The following PDGFA variants were observed in gnomAD, a reference collection of about 807,000 sequenced individuals.
PDGFA encodes the protein platelet derived growth factor subunit A, also known as platelet-derived growth factor subunit A.
Under a neutral mutation model 25.6 loss-of-function variants are expected in PDGFA, and 9 were observed. The ratio of observed to expected loss-of-function variants is 0.35; its 90% CI spans 0.21 to 0.61. The LOEUF (loss-of-function observed/expected upper bound fraction) is 0.61, where lower values mean the gene tolerates loss of function less well. PDGFA is among the 20% of genes least tolerant of loss of function. The pLI is 0.75. For missense variants in PDGFA, 242 were observed against 272.8 expected, an observed-to-expected ratio of 0.89 and a Z score of 0.79; for synonymous variants, 133 against 111.8, an observed-to-expected ratio of 1.19 and a Z score of -1.20.
intron 2 of PDGFA, among the ~76,000 whole-genome samples, chr7:515,636 C>T (rs1783053436): frequency 6.6e-6 from 1 of 152,144 alleles, no homozygotes; most frequent in Non-Finnish European, 1.5e-5. Flanking sequence ...TATTCAGACC[C>T]CAAAACCTCT....
chr7:497,269 G>T (rs1441499847), exon 6 of PDGFA: 1 of 151,898 alleles, frequency 6.6e-6, no homozygotes, highest in Non-Finnish European at 1.5e-5. Context: ...TTTGTTGGTG[G>T]TATTTTTTTT....
In PDGFA at chr7:500,961, G is replaced by T; in HGVS notation, c.580+155C>A. The T allele has an allele frequency of 6.3e-7, 1 of 1,596,792 alleles. No homozygotes were observed. The highest frequency in any genetic ancestry group is 8.5e-7 in the Non-Finnish European group (1 of 1,178,170). On this transcript the variant is annotated intron_variant, in intron 5 of 5. Coordinates refer to ENST00000402802, the Ensembl canonical transcript of PDGFA. The surrounding 1 kb of genome is among the most constrained non-coding windows in gnomAD (Gnocchi z 5.0). Reference sequence around the variant, plus strand: ...GGTGTGGGATCCGTCTCCCCCGCAGGCATCTGGCCCGGGAGCAGGGCAACG... The same window carrying T: ...GGTGTGGGATCCGTCTCCCCCGCAGTCATCTGGCCCGGGAGCAGGGCAACG...
chr7:518,705 C>T (rs1326614896), intron 1 of PDGFA, among the ~76,000 whole-genome samples: 1 of 152,164 alleles, frequency 6.6e-6, no homozygotes, highest in Non-Finnish European at 1.5e-5. Flanking sequence ...TCTGCCCACT[C>T]GTCCACCTCG....
chr7:509,983 G>A (rs564501210), intron 4 of PDGFA, among the ~76,000 whole-genome samples: 16 of 151,476 alleles, frequency 1.1e-4, no homozygotes, highest in South Asian at 6.3e-4. Context: ...GGGGGAAGCC[G>A]GGGGGGCCCT....
chr7:501,309 G>C (rs149142861), intron 4 of PDGFA, 67 bp from the exon 5 acceptor site: 2 of 1,599,898 alleles, frequency 1.3e-6, no homozygotes, highest in East Asian at 2.2e-5. Flanking sequence ...GACGTGCTGG[G>C]AGCCGGGGAC....
chr7:498,554 C>A, exon 6 of PDGFA: 2 of 1,608,098 alleles, frequency 1.2e-6, no homozygotes, highest in Non-Finnish European at 1.7e-6. Context: ...GAAAGGGCTG[C>A]GGCTCATCCT....
Position 517,482 on chromosome 7 carries a change from C to T in PDGFA, c.72G>A (p.Glu24=). 1 of 1,328,650 alleles carries T rather than the reference C, an allele frequency of 7.5e-7. No individual in the cohort carries two copies. The allele number at this position is 1,328,650 out of a possible 1,614,324, so 82.3% of individuals were successfully genotyped here. A position where few individuals can be genotyped will look rare whatever the true frequency, so the allele number is the denominator to read the frequency against. Residue 24 remains glutamate (E), a synonymous_variant, in exon 2 of 6, where the codon GAG becomes GAA. Transcript: ENST00000402802. The surrounding 1 kb of genome is among the most constrained non-coding windows in gnomAD (Gnocchi z 7.4). ...GCCTCTCGATCACCTCGCGGGGGAT[C>T]TCGGCTTCCTGCAAGCAGAGGCCAC...
intron 2 of PDGFA, among the ~76,000 whole-genome samples, chr7:516,069 C>T (rs1397234175): frequency 7.7e-6 from 1 of 130,060 alleles, no homozygotes. Context: ...CCAAACCCAT[C>T]CAGGACCAGC....
At chr7:498,328 C>G in exon 6 of PDGFA, 1 of 548,582 alleles carries the variant, frequency 1.8e-6, no homozygotes, top group Non-Finnish European at 3.2e-6. Flanking sequence ...CTCTTTCTCT[C>G]TCTCTCTTTT....
chr7:504,551 G>A (rs2128394292), intron 4 of PDGFA, among the ~76,000 whole-genome samples: 1 of 152,186 alleles, frequency 6.6e-6, no homozygotes, highest in East Asian at 1.9e-4. Flanking sequence ...AACAGCACCA[G>A]CCTCACACCC....
chr7:500,828 A>C lies in PDGFA; in HGVS notation c.580+288T>G, dbSNP rs2128390009. Reference sequence around the variant, plus strand: ...TCTTCTCAGCTCAGCCCCGCAGCCCACTAATGAATTGGGTGTCTTATGCAC... The same window carrying C: ...TCTTCTCAGCTCAGCCCCGCAGCCCCCTAATGAATTGGGTGTCTTATGCAC... On this transcript the variant is annotated intron_variant, in intron 5 of 5. Coordinates refer to ENST00000402802, the Ensembl canonical transcript of PDGFA. The surrounding 1 kb of genome is among the most constrained non-coding windows in gnomAD (Gnocchi z 5.0). 1 of 1,488,766 alleles carries C rather than the reference A, an allele frequency of 6.7e-7. No individual in the cohort carries two copies. Among genetic ancestry groups the C allele is most frequent in the South Asian group, 1.3e-5 (1 of 79,488 alleles). The allele number at this position is 1,488,766 out of a possible 1,614,324, so 92.2% of individuals were successfully genotyped here.
intron 4 of PDGFA, among the ~76,000 whole-genome samples, chr7:507,695 A>C (rs1782618640): frequency 6.6e-6 from 1 of 152,206 alleles, no homozygotes; most frequent in Non-Finnish European, 1.5e-5. Flanking sequence ...CCGGACTCAG[A>C]GCTCACAAGG....
intron 4 of PDGFA, among the ~76,000 whole-genome samples, chr7:508,614 GCT>G (rs1398301094): frequency 7.2e-6 from 1 of 139,350 alleles, no homozygotes; most frequent in Non-Finnish European, 1.5e-5. Context: ...AAGCCAGGAG[GCT>G]CTGAGTCAAA....
chr7:506,578 C>A (rs1782574511), intron 4 of PDGFA, among the ~76,000 whole-genome samples: 2 of 152,208 alleles, frequency 1.3e-5, no homozygotes, highest in African/African-American at 2.4e-5. Context: ...GCAAGGTGGG[C>A]TCAGAGCCAG....
chr7:505,050 T>A (rs1214285495), intron 4 of PDGFA, among the ~76,000 whole-genome samples: 4 of 152,228 alleles, frequency 2.6e-5, no homozygotes, highest in Admixed American at 1.3e-4. Flanking sequence ...TGTTTCTGAG[T>A]ATGCCAGGAT....
rs1490257864 is a variant in PDGFA at position 517,159 on chromosome 7, T to A, written c.160+235A>T. 6.6e-6 allele frequency among the ~76,000 whole-genome samples: 1 copy of A among 151,658 alleles called. No individual in the cohort carries two copies. Among genetic ancestry groups the A allele is most frequent in the East Asian group, 1.9e-4 (1 of 5,142 alleles). ...ACTTTGTGTGACACACGCGGCGTTT[T>A]CCTTAAAGGCGAAAACAATCCCGGG... is the stretch of plus-strand genomic sequence containing the variant. On this transcript the variant is annotated intron_variant, in intron 2 of 5. Transcript: ENST00000402802. This position sits in a 1 kb window ranked among gnomAD's most constrained non-coding sequence, Gnocchi z 7.4.
At chr7:497,706 C>T (rs1782105763) in exon 6 of PDGFA, 1 of 151,756 alleles carries the variant, frequency 6.6e-6, no homozygotes, top group Non-Finnish European at 1.5e-5. Context: ...AAGGGAGAAA[C>T]ACAAAGCCAG....
chr7:516,847 A>G (rs1364790812), intron 2 of PDGFA, among the ~76,000 whole-genome samples: 2 of 152,204 alleles, frequency 1.3e-5, no homozygotes, highest in Non-Finnish European at 2.9e-5. Context: ...TGGGTCGTGA[A>G]AACAGAAAGA....
chr7:518,608 C>A (rs1279999230), intron 1 of PDGFA: 7 of 310,006 alleles, frequency 2.3e-5, no homozygotes, highest in African/African-American at 4.3e-5. Context: ...CACACACCCC[C>A]TTCCCCGCTC....
Sources: gnomAD v4.1 joint callset for allele counts (sites outside exome capture counted in the v4.1 genomes callset) on GRCh38, gnomAD v4.1.1 for gene constraint, Gnocchi (gnomAD v3.1) non-coding constraint, MANE v1.5 for transcripts, NCBI Gene and HGNC (gene_info 2026-07-23, HGNC 2026-07-21) for gene names.